CDH4: variants seen among roughly 807,000 people sequenced by gnomAD.
The protein encoded by CDH4 is cadherin 4, also known as cadherin-4.
A neutral mutation model predicts 86.0 loss-of-function variants in CDH4; 33 were observed. The observed-to-expected ratio is 0.38, with a 90% CI of 0.29 to 0.51. The LOEUF is 0.51. CDH4 is among the 20% of genes least tolerant of loss of function. The pLI is 0.86. For missense variants in CDH4, 1,114 were observed against 1,307.4 expected, an observed-to-expected ratio of 0.85 and a Z score of 2.28; for synonymous variants, 555 against 549.4, an observed-to-expected ratio of 1.01 and a Z score of -0.14.
intron 2 of CDH4, among the ~76,000 whole-genome samples, chr20:61,364,722 G>A (rs1340093699): frequency 6.6e-6 from 1 of 152,232 alleles, no homozygotes; most frequent in African/African-American, 2.4e-5. Context: ...CTTGCTTCTA[G>A]TGGATGAACA....
At chr20:61,797,084 C>G (rs1444398171) in intron 4 of CDH4, among the ~76,000 whole-genome samples, 1 of 7,204 alleles carries the variant, frequency 1.4e-4, no homozygotes, top group Non-Finnish European at 2.2e-4. Flanking sequence ...ACAGGAAGAG[C>G]CCCCCCCCCC....
At chr20:61,535,080 AC>A (rs1306813046) in intron 2 of CDH4, among the ~76,000 whole-genome samples, 2 of 152,228 alleles carry the variant, frequency 1.3e-5, no homozygotes, top group Admixed American at 6.5e-5. Context: ...CTTAAAACCA[AC>A]CATTCCCTCC....
chr20:61,866,469 G>C (rs1039032837), intron 6 of CDH4, among the ~76,000 whole-genome samples: 1 of 152,204 alleles, frequency 6.6e-6, no homozygotes, highest in Non-Finnish European at 1.5e-5. Flanking sequence ...GCTGCCCTCT[G>C]TGCCATCACG....
chr20:61,507,165 A>G (rs769234468), intron 2 of CDH4, among the ~76,000 whole-genome samples: 5 of 152,244 alleles, frequency 3.3e-5, no homozygotes, highest in Non-Finnish European at 7.3e-5. Flanking sequence ...ATACAAATAC[A>G]CATATACACA....
At chr20:61,868,470 C>T (rs913556064) in intron 6 of CDH4, among the ~76,000 whole-genome samples, 2 of 152,162 alleles carry the variant, frequency 1.3e-5, no homozygotes, top group African/African-American at 4.8e-5. Flanking sequence ...ACCCGGACAG[C>T]TCCACAGTAT....
chr20:61,604,457 C>T (rs1408358006), intron 2 of CDH4, among the ~76,000 whole-genome samples: 1 of 152,210 alleles, frequency 6.6e-6, no homozygotes, highest in African/African-American at 2.4e-5. Flanking sequence ...GAAATGCTTC[C>T]TTGGCCTCTC....
intron 2 of CDH4, among the ~76,000 whole-genome samples, chr20:61,633,454 C>T (rs1301138670): frequency 6.6e-6 from 1 of 152,098 alleles, no homozygotes; most frequent in Non-Finnish European, 1.5e-5. Flanking sequence ...TCCATCTATC[C>T]ATCAGTTTAT....
intron 2 of CDH4, chr20:61,499,425 C>G: frequency 7.8e-7 from 1 of 1,287,478 alleles, no homozygotes; most frequent in African/African-American, 1.5e-5. Flanking sequence ...TGGTTCAGAA[C>G]AAGGATTCGA....
chr20:61,396,777 T>G (rs763024408), intron 2 of CDH4, among the ~76,000 whole-genome samples: 8 of 152,132 alleles, frequency 5.3e-5, no homozygotes, highest in Non-Finnish European at 1.0e-4. Flanking sequence ...CAGTGACCCA[T>G]CACTAGCCTA....
intron 3 of CDH4, among the ~76,000 whole-genome samples, chr20:61,749,732 G>A (rs549680748): frequency 1.3e-5 from 2 of 152,338 alleles, no homozygotes; most frequent in South Asian, 4.1e-4. Flanking sequence ...AGATGGAAAT[G>A]TTTAGCCTTA....
At chr20:61,520,389 C>CTG (rs1310393748) in intron 2 of CDH4, among the ~76,000 whole-genome samples, 5 of 152,196 alleles carry the variant, frequency 3.3e-5, no homozygotes, top group African/African-American at 1.2e-4. Context: ...CCCTTGATAG[C>CTG]TGTGTGACCT....
At chr20:61,892,876 T>C (rs537818488) in intron 7 of CDH4, among the ~76,000 whole-genome samples, 376 of 151,758 alleles carry the variant, frequency 2.5e-3, no homozygotes, top group African/African-American at 8.8e-3. Flanking sequence ...GAGGAAGGAA[T>C]AGAAAGACAG....
At chr20:61,357,720 G>A (rs1013379007) in intron 2 of CDH4, among the ~76,000 whole-genome samples, 1 of 152,122 alleles carries the variant, frequency 6.6e-6, no homozygotes, top group Admixed American at 6.5e-5. Context: ...GGAATTAAAT[G>A]CAAAATCCCC....
chr20:61,616,234 A>G (rs1020960107), intron 2 of CDH4, among the ~76,000 whole-genome samples: 1 of 152,224 alleles, frequency 6.6e-6, no homozygotes, highest in Non-Finnish European at 1.5e-5. Flanking sequence ...TCCCATTTGC[A>G]GGTTCAGGCC....
At chr20:61,877,193 C>T (rs952075313) in intron 7 of CDH4, among the ~76,000 whole-genome samples, 11 of 152,248 alleles carry the variant, frequency 7.2e-5, no homozygotes, top group African/African-American at 1.2e-4. Context: ...CATGGCAGCT[C>T]GGCCAAGGGA....
intron 3 of CDH4, among the ~76,000 whole-genome samples, chr20:61,748,141 T>C (rs1303137785): frequency 3.3e-5 from 5 of 152,164 alleles, no homozygotes; most frequent in African/African-American, 9.7e-5. Context: ...TGATTTCTTT[T>C]CTTTTTTTTG....
At chr20:61,911,402 G>C (rs757649386) in intron 9 of CDH4, among the ~76,000 whole-genome samples, 32 of 152,284 alleles carry the variant, frequency 2.1e-4, no homozygotes, top group Non-Finnish European at 3.2e-4. Context: ...ATATTCCCCT[G>C]GAAGGGCAGA....
intron 4 of CDH4, among the ~76,000 whole-genome samples, chr20:61,836,738 C>T (rs1406632033): frequency 9.8e-5 from 15 of 152,344 alleles, no homozygotes; most frequent in African/African-American, 3.1e-4. Context: ...ACAGGTTTCA[C>T]GTCGCCGAAT....
At chr20:61,555,012 C>G (rs1374771026) in intron 2 of CDH4, among the ~76,000 whole-genome samples, 1 of 152,136 alleles carries the variant, frequency 6.6e-6, no homozygotes, top group African/African-American at 2.4e-5. Flanking sequence ...CCAGTATTGC[C>G]CATGTGTGTG....
Sources: gnomAD v4.1 joint callset for allele counts (sites outside exome capture counted in the v4.1 genomes callset) on GRCh38, gnomAD v4.1.1 for gene constraint, MANE v1.5 for transcripts, NCBI Gene and HGNC (gene_info 2026-07-23, HGNC 2026-07-21) for gene names.